The following SCUBE1 variants were observed in gnomAD, a reference collection of about 807,000 sequenced individuals.
SCUBE1 encodes the protein signal peptide, CUB and EGF-like domain-containing protein 1.
In SCUBE1, 59 loss-of-function variants were observed where a neutral mutation model predicts 124.4. That is an observed-to-expected ratio of 0.47 (90% CI 0.38 to 0.59). The LOEUF (loss-of-function observed/expected upper bound fraction) is 0.59. Ranked by LOEUF, SCUBE1 falls within the 20% of genes least tolerant of loss-of-function variation. The pLI, the probability that SCUBE1 is intolerant of heterozygous loss-of-function variation, is 0.00. For missense variants in SCUBE1, 1,150 were observed against 1,371.2 expected (o/e 0.84, Z 2.55); for synonymous variants, 545 against 550.9 (o/e 0.99, Z 0.15).
At chr22:43,295,995 G>A (rs1218896802) in intron 3 of SCUBE1, among the ~76,000 whole-genome samples, 3 of 148,410 alleles carry the variant, frequency 2.0e-5, no homozygotes, top group East Asian at 2.7e-4. Flanking sequence ...GCAGGGCAGG[G>A]CCCAGACAGG....
chr22:43,291,229 A>T, intron 3 of SCUBE1, 49 bp from the exon 4 acceptor site: 1 of 1,584,346 alleles, frequency 6.3e-7, no homozygotes, highest in East Asian at 2.3e-5. Context: ...CTAAGTTGGA[A>T]GCAGGGCATG....
In SCUBE1 at chr22:43,200,511, T is replaced by C. The variant is rs917532730; in HGVS notation, c.*3486A>G. On this transcript the variant is annotated 3_prime_UTR_variant, in exon 22 of 22. Coordinates refer to ENST00000360835, the MANE Select transcript of SCUBE1 (RefSeq NM_173050.5). ...CCACCTCACATCAGTCAAGCTGCCA[T>C]TGGCTTCGACAACATGCCAACTGGA... 1 of 152,368 alleles carries C rather than the reference T, an allele frequency of 6.6e-6. No individual in the cohort carries two copies. Among genetic ancestry groups the C allele is most frequent in the African/African-American group, 2.4e-5 (1 of 41,474 alleles). 9.4% of individuals were successfully genotyped at this position (152,368 alleles called of 1,614,324 possible). A position where few individuals can be genotyped will look rare whatever the true frequency, so the allele number is the denominator to read the frequency against.
Position 43,255,874 on chromosome 22 carries a change from A to G in SCUBE1, c.727+2345T>C, listed in dbSNP as rs1264736344. Among the ~76,000 whole-genome samples, 1 of 149,386 alleles carries G rather than the reference A, an allele frequency of 6.7e-6. No individual in the cohort carries two copies. Among genetic ancestry groups the G allele is most frequent in the Non-Finnish European group, 1.5e-5 (1 of 68,038 alleles). Reference sequence around the variant, plus strand: ...CCCATGGGCAAGCAAACAGAGAAGGAGGCTGAGGTCAGGGCAGACGGGATT... The same window carrying G: ...CCCATGGGCAAGCAAACAGAGAAGGGGGCTGAGGTCAGGGCAGACGGGATT... On this transcript the variant is annotated intron_variant, in intron 6 of 21. Coordinates refer to ENST00000360835, the MANE Select transcript of SCUBE1 (RefSeq NM_173050.5). The surrounding 1 kb of genome is among the most constrained non-coding windows in gnomAD (Gnocchi z 4.7).
chr22:43,212,667 C>A, intron 16 of SCUBE1, 75 bp from the exon 17 acceptor site: 1 of 1,458,316 alleles, frequency 6.9e-7, no homozygotes, highest in Non-Finnish European at 9.2e-7. Flanking sequence ...TCTCAGGCCC[C>A]GCTCTTGGCC....
chr22:43,317,812 A>T (rs1030101493), intron 3 of SCUBE1, among the ~76,000 whole-genome samples: 2 of 152,252 alleles, frequency 1.3e-5, no homozygotes. Flanking sequence ...TTTGTTGGAA[A>T]TAAGGTCTTG....
intron 6 of SCUBE1, among the ~76,000 whole-genome samples, chr22:43,245,315 C>A (rs1923164803): frequency 6.6e-6 from 1 of 152,212 alleles, no homozygotes; most frequent in African/African-American, 2.4e-5. Flanking sequence ...CTGGTCCTGA[C>A]CACGCCTCCC....
At chr22:43,276,916 C>T (rs537232684) in intron 4 of SCUBE1, among the ~76,000 whole-genome samples, 1 of 152,344 alleles carries the variant, frequency 6.6e-6, no homozygotes, top group South Asian at 2.1e-4. Flanking sequence ...ACTCCATGAC[C>T]TCGCCTCAGC....
At position 43,203,930 on chromosome 22, in the gene SCUBE1, C is replaced by T. The variant is rs1325924663; in HGVS notation, c.*67G>A. On this transcript the variant is annotated 3_prime_UTR_variant, in exon 22 of 22. Coordinates refer to ENST00000360835, the MANE Select transcript of SCUBE1 (RefSeq NM_173050.5). ...AGGTGGTGTGGAGGCCCATGCAGCTCCCACTGTGGAGGGCAGGTGCACCCT... is the reference window on the plus strand; with the variant it reads ...AGGTGGTGTGGAGGCCCATGCAGCTTCCACTGTGGAGGGCAGGTGCACCCT... 2 of 1,536,258 alleles carry T rather than the reference C, an allele frequency of 1.3e-6. No individual in the cohort carries two copies. The highest frequency in any genetic ancestry group is 1.4e-5 in the African/African-American group (1 of 73,398).
At chr22:43,257,973 C>T (rs886925378) in intron 6 of SCUBE1, among the ~76,000 whole-genome samples, 1 of 152,194 alleles carries the variant, frequency 6.6e-6, no homozygotes, top group Non-Finnish European at 1.5e-5. Flanking sequence ...CGTCAGGCGT[C>T]GCCAGGGAAC....
chr22:43,269,088 G>A (rs563015841), intron 4 of SCUBE1, among the ~76,000 whole-genome samples: 4 of 152,214 alleles, frequency 2.6e-5, no homozygotes, highest in Admixed American at 6.5e-5. Flanking sequence ...CCTGATGAGC[G>A]GGCATCACCG....
At chr22:43,299,624 G>A (rs978841200) in intron 3 of SCUBE1, among the ~76,000 whole-genome samples, 5 of 152,084 alleles carry the variant, frequency 3.3e-5, no homozygotes, top group African/African-American at 9.7e-5. Flanking sequence ...CTCCAATCCC[G>A]TTTCTGGTTG....
intron 6 of SCUBE1, among the ~76,000 whole-genome samples, chr22:43,247,494 A>T (rs1010134374): frequency 6.6e-6 from 1 of 152,236 alleles, no homozygotes. Flanking sequence ...GCAATGACAC[A>T]GCCTGGCTGA....
intron 6 of SCUBE1, among the ~76,000 whole-genome samples, chr22:43,254,350 T>A (rs559648021): frequency 6.6e-6 from 1 of 152,164 alleles, no homozygotes; most frequent in Non-Finnish European, 1.5e-5. Context: ...TGAAGCCTCC[T>A]CAGCAGCACA....
intron 4 of SCUBE1, among the ~76,000 whole-genome samples, chr22:43,274,018 C>T (rs1418536071): frequency 6.6e-6 from 1 of 152,192 alleles, no homozygotes; most frequent in Non-Finnish European, 1.5e-5. Context: ...AGCCCCTGCC[C>T]TGCCTCGTTT....
chr22:43,281,488 G>GTCACCTCCCCCTCA (rs1569010806), intron 4 of SCUBE1, among the ~76,000 whole-genome samples: 1 of 72,542 alleles, frequency 1.4e-5, no homozygotes, highest in African/African-American at 1.3e-4. Flanking sequence ...CTCCCTCTTT[G>GTCACCTCCCCCTCA]GCCACCCTCC....
intron 2 of SCUBE1, among the ~76,000 whole-genome samples, chr22:43,333,618 TAGAG>T (rs1259902867): frequency 6.6e-6 from 1 of 152,152 alleles, no homozygotes; most frequent in Non-Finnish European, 1.5e-5. Context: ...GTGAAAATGA[TAGAG>T]AAAGTACATT....
rs139647604 is a variant in SCUBE1 at position 43,204,055 on chromosome 22, C to T, written c.2909G>A (p.Arg970Gln). Residue 970 changes from arginine to glutamine, a missense_variant, in exon 22 of 22, where the codon CGG (arginine) becomes CAG (glutamine). Arg to Gln is a conservative substitution (Grantham distance 43). Transcript: ENST00000360835. ...TAQESKEMFP[R>Q]SFIKLLRSKV... ...GGAGCGCAGCAGTTTGATGAAGGAC[C>T]GTGGGAACATCTCCTTGGATTCCTG... 11 of 1,613,988 alleles carry T rather than the reference C, an allele frequency of 6.8e-6. No homozygotes were observed. The highest frequency in any genetic ancestry group is 4.0e-5 in the African/African-American group (3 of 74,894).
rs1376119938 is a variant in SCUBE1, at chr22:43,218,349, T to C, written c.1797A>G (p.Ser599=). Residue 599 remains serine, a synonymous_variant, in exon 15 of 22, where the codon TCA becomes TCG. Coordinates refer to ENST00000360835, the MANE Select transcript of SCUBE1 (RefSeq NM_173050.5). The part of the protein sequence containing the change: ...IGRQQFYVQV[S]GTEYEVAQRP... ...TCTGGGCTACCTCGTACTCAGTGCC[T>C]GAGACCTGGACATAGAACTGCTGCC... 6.2e-7 allele frequency: 1 copy of C among 1,613,478 alleles called. No individual in the cohort carries two copies. The highest frequency in any genetic ancestry group is 2.2e-5 in the East Asian group (1 of 44,890).
chr22:43,322,340 A>T (rs939485493), intron 2 of SCUBE1, among the ~76,000 whole-genome samples: 1 of 152,020 alleles, frequency 6.6e-6, no homozygotes, highest in Non-Finnish European at 1.5e-5. Flanking sequence ...TGCAGCCCTG[A>T]CCTTTCTCCA....
Sources: allele counts gnomAD v4.1 joint callset (sites outside exome capture counted in the v4.1 genomes callset), GRCh38; gene constraint gnomAD v4.1.1; non-coding constraint Gnocchi (gnomAD v3.1); transcripts MANE v1.5; gene names NCBI Gene and HGNC (gene_info 2026-07-23, HGNC 2026-07-21).